The following CLDN10 variants were observed in gnomAD, a reference collection of about 807,000 sequenced individuals.
CLDN10 encodes the protein claudin-10.
A neutral mutation model predicts 22.9 loss-of-function variants in CLDN10; 15 were observed. The ratio of observed to expected loss-of-function variants is 0.65; its 90% CI spans 0.44 to 1.01. The LOEUF (loss-of-function observed/expected upper bound fraction) is 1.01. Among genes scored for constraint, CLDN10 ranks in the 50% least tolerant of loss-of-function variants. The pLI is 0.00. For synonymous variants in CLDN10, 114 were observed against 111.4 expected (o/e 1.02, Z -0.15); for missense variants, 247 against 287.8 (o/e 0.86, Z 1.03).
chr13:95,504,758 A>G (rs1322577206), intron 1 of CLDN10, among the ~76,000 whole-genome samples: 1 of 151,862 alleles, frequency 6.6e-6, no homozygotes, highest in African/African-American at 2.4e-5. Flanking sequence ...GGATGGTCTC[A>G]AACTCCTGAG....
At chr13:95,495,585 A>C (rs534638402) in intron 1 of CLDN10, among the ~76,000 whole-genome samples, 1 of 151,494 alleles carries the variant, frequency 6.6e-6, no homozygotes, top group African/African-American at 2.4e-5. Context: ...TCTACTAAAA[A>C]TATAAAAATT....
chr13:95,470,170 A>T (rs553644683), intron 1 of CLDN10, among the ~76,000 whole-genome samples: 4 of 152,324 alleles, frequency 2.6e-5, no homozygotes, highest in Non-Finnish European at 4.4e-5. Flanking sequence ...GGATTAGTGA[A>T]TTCTTACCAG....
intron 1 of CLDN10, among the ~76,000 whole-genome samples, chr13:95,473,716 G>A (rs565839269): frequency 6.6e-6 from 1 of 152,340 alleles, no homozygotes; most frequent in East Asian, 1.9e-4. Context: ...GGGCGGGACT[G>A]AGAATTGCAT....
At chr13:95,505,727 T>G (rs1054765767) in intron 1 of CLDN10, among the ~76,000 whole-genome samples, 2 of 151,692 alleles carry the variant, frequency 1.3e-5, no homozygotes, top group Non-Finnish European at 2.9e-5. Context: ...GTAATTTGGC[T>G]TGTGCCAAGA....
In CLDN10 at chr13:95,578,097, A is replaced by C; in HGVS notation, c.*83A>C. On this transcript the variant is annotated 3_prime_UTR_variant, in exon 5 of 5. Transcript: ENST00000299339. ...ATGATCCCATCAAGGCCCTCCCATA[A>C]TTAACACTCAAAACTATTTTTAAAA... 7.3e-6 allele frequency: 5 copies of C among 685,496 alleles called. No individual in the cohort carries two copies. Among genetic ancestry groups the C allele is most frequent in the Middle Eastern group, 2.5e-4 (1 of 4,032 alleles). The allele number at this position is 685,496 out of a possible 1,614,324, so 42.5% of individuals were successfully genotyped here.
intron 1 of CLDN10, among the ~76,000 whole-genome samples, chr13:95,524,923 G>T (rs2043264830): frequency 6.6e-6 from 1 of 151,306 alleles, no homozygotes; most frequent in Admixed American, 6.6e-5. Context: ...GCAATGGCGA[G>T]ATCTCGGCTC....
intron 1 of CLDN10, among the ~76,000 whole-genome samples, chr13:95,477,331 G>C (rs1409341632): frequency 6.6e-6 from 1 of 152,174 alleles, no homozygotes; most frequent in African/African-American, 2.4e-5. Flanking sequence ...GGGCATACAG[G>C]CTGTTCCTAT....
At chr13:95,521,470 G>C (rs947706259) in intron 1 of CLDN10, among the ~76,000 whole-genome samples, 3 of 152,016 alleles carry the variant, frequency 2.0e-5, no homozygotes, top group African/African-American at 7.2e-5. Context: ...ATCTGTTACT[G>C]TGATGAATTA....
chr13:95,491,437 C>A (rs1201221495), intron 1 of CLDN10, among the ~76,000 whole-genome samples: 1 of 151,862 alleles, frequency 6.6e-6, no homozygotes, highest in African/African-American at 2.4e-5. Flanking sequence ...CTTTCTTCTG[C>A]TTGTTCAATT....
intron 1 of CLDN10, among the ~76,000 whole-genome samples, chr13:95,442,738 T>C (rs2042336409): frequency 6.6e-6 from 1 of 152,196 alleles, no homozygotes; most frequent in Non-Finnish European, 1.5e-5. Flanking sequence ...CAGTTTAATA[T>C]ATGGGTTTGA....
intron 1 of CLDN10, among the ~76,000 whole-genome samples, chr13:95,523,793 C>T (rs1291974983): frequency 3.3e-5 from 5 of 152,078 alleles, no homozygotes; most frequent in African/African-American, 4.8e-5. Context: ...GACTTTGGCA[C>T]GCTTTATATT....
At chr13:95,547,046 C>T (rs936875776) in intron 1 of CLDN10, among the ~76,000 whole-genome samples, 3 of 131,312 alleles carry the variant, frequency 2.3e-5, no homozygotes, top group Admixed American at 7.9e-5. Context: ...GGCTGGCTAA[C>T]TTTTTTTTTT....
intron 1 of CLDN10, among the ~76,000 whole-genome samples, chr13:95,436,926 C>A (rs1200602258): frequency 6.6e-6 from 1 of 152,146 alleles, no homozygotes; most frequent in Non-Finnish European, 1.5e-5. Flanking sequence ...ATGGTTATAT[C>A]ACCTTTTAAA....
chr13:95,481,361 T>A (rs867646844), intron 1 of CLDN10, among the ~76,000 whole-genome samples: 1 of 152,204 alleles, frequency 6.6e-6, no homozygotes, highest in Admixed American at 6.5e-5. Flanking sequence ...CCAACATTCA[T>A]GGGAATAGAA....
chr13:95,435,404 C>T (rs531091102), intron 1 of CLDN10, among the ~76,000 whole-genome samples: 1 of 152,238 alleles, frequency 6.6e-6, no homozygotes, highest in African/African-American at 2.4e-5. Flanking sequence ...GTCAAGTATG[C>T]ACATCATTAG....
intron 1 of CLDN10, among the ~76,000 whole-genome samples, chr13:95,513,652 G>A (rs994153043): frequency 6.6e-6 from 1 of 152,134 alleles, no homozygotes; most frequent in Non-Finnish European, 1.5e-5. Context: ...TAAAAGGGAA[G>A]ACTCATGTAT....
chr13:95,492,292 G>A (rs946767683), intron 1 of CLDN10, among the ~76,000 whole-genome samples: 1 of 151,860 alleles, frequency 6.6e-6, no homozygotes. Context: ...AGGTGGGGGC[G>A]GGGCTGGGTG....
chr13:95,467,117 T>C (rs188507550), intron 1 of CLDN10, among the ~76,000 whole-genome samples: 1,739 of 151,794 alleles, frequency 0.011, 22 homozygotes, highest in African/African-American at 0.04. Flanking sequence ...GACTTCATGA[T>C]CTGCCCACCT....
chr13:95,552,710 C>A (rs569950200), upstream of CLDN10: 93 of 1,567,022 alleles, frequency 5.9e-5, 2 homozygotes, highest in South Asian at 7.4e-4. Flanking sequence ...GGGGTCGCGG[C>A]GCAGAGTGGG....
Sources: allele counts gnomAD v4.1 joint callset (sites outside exome capture counted in the v4.1 genomes callset), GRCh38; gene constraint gnomAD v4.1.1; transcripts MANE v1.5; gene names NCBI Gene and HGNC (gene_info 2026-07-23, HGNC 2026-07-21).